STK35: variants seen among roughly 807,000 people sequenced by gnomAD.
STK35 encodes serine/threonine-protein kinase 35.
A neutral mutation model predicts 37.3 loss-of-function variants in STK35; 17 were observed. The observed-to-expected ratio is 0.46, with a 90% CI of 0.31 to 0.68. The LOEUF (loss-of-function observed/expected upper bound fraction) is 0.68, where lower values mean the gene tolerates loss of function less well. Among genes scored for constraint, STK35 ranks in the 30% least tolerant of loss-of-function variants. The pLI is 0.05. For synonymous variants in STK35, 385 were observed against 319.1 expected (o/e 1.21, Z -2.20); for missense variants, 595 against 746.7 (o/e 0.80, Z 2.37).
Position 2,143,795 on chromosome 20 carries a change from G to A in STK35, c.*49G>A, listed in dbSNP as rs533243169. On this transcript the variant is annotated 3_prime_UTR_variant, in exon 4 of 4. Coordinates refer to ENST00000381482, the MANE Select transcript of STK35 (RefSeq NM_080836.4). ...CTTCTGTCTTCCAGGTCGATTCCTC[G>A]GGACCCACAGTCTCACCACGTCTCC... The A allele has an allele frequency of 8.4e-4, 332 of 397,478 alleles. 1 individual carries two copies. The highest frequency in any genetic ancestry group is 3.2e-3 in the Admixed American group (84 of 26,662). 24.6% of individuals were successfully genotyped at this position (397,478 alleles called of 1,614,324 possible).
chr20:2,102,737 C>G (rs974031512), intron 1 of STK35, 31 bp from the exon 2 acceptor site: 1 of 1,390,964 alleles, frequency 7.2e-7, no homozygotes, highest in African/African-American at 1.5e-5. Context: ...CCGCCTTGGC[C>G]TGGCCGTTTA....
intron 2 of STK35, among the ~76,000 whole-genome samples, chr20:2,109,859 G>C (rs543843507): frequency 5.3e-5 from 8 of 152,360 alleles, no homozygotes; most frequent in African/African-American, 1.7e-4. Flanking sequence ...GTAATTGGGG[G>C]ATTGGGGGCA....
At chr20:2,104,294 G>C (rs892942339) in intron 2 of STK35, among the ~76,000 whole-genome samples, 23 of 152,220 alleles carry the variant, frequency 1.5e-4, no homozygotes, top group African/African-American at 4.8e-4. Context: ...TCCGAGGCAG[G>C]AGGATCCAGG....
At chr20:2,111,259 C>T (rs1359430534) in intron 2 of STK35, among the ~76,000 whole-genome samples, 1 of 152,192 alleles carries the variant, frequency 6.6e-6, no homozygotes, top group Admixed American at 6.5e-5. Flanking sequence ...AAGATATGCT[C>T]TTTCACAGTT....
At chr20:2,111,979 T>C (rs991356138) in intron 2 of STK35, among the ~76,000 whole-genome samples, 3 of 152,154 alleles carry the variant, frequency 2.0e-5, no homozygotes, top group Non-Finnish European at 4.4e-5. Context: ...CCGGGCCCGC[T>C]TCCTAGTTCT....
intron 3 of STK35, among the ~76,000 whole-genome samples, chr20:2,136,259 G>C (rs949608810): frequency 2.0e-5 from 3 of 152,222 alleles, no homozygotes; most frequent in Non-Finnish European, 4.4e-5. Context: ...TAGTAGCAGA[G>C]AGAGCTGAAA....
intron 3 of STK35, among the ~76,000 whole-genome samples, chr20:2,120,437 G>A (rs1035666273): frequency 2.6e-5 from 4 of 152,182 alleles, no homozygotes; most frequent in African/African-American, 9.7e-5. Flanking sequence ...CAGTACTGGT[G>A]GTGCCAATTT....
chr20:2,133,219 G>A (rs896210922), intron 3 of STK35, among the ~76,000 whole-genome samples: 63 of 152,152 alleles, frequency 4.1e-4, no homozygotes, highest in African/African-American at 1.5e-3. Context: ...AAATTGTTCT[G>A]TCCCCATATG....
intron 3 of STK35, among the ~76,000 whole-genome samples, chr20:2,139,154 C>T (rs979522983): frequency 3.3e-5 from 5 of 152,156 alleles, no homozygotes; most frequent in South Asian, 2.1e-4. Context: ...AGGAGGTGAA[C>T]ACGTGAGCCA....
At chr20:2,102,664 A>T in intron 1 of STK35, 104 bp from the exon 2 acceptor site, 6 of 1,119,890 alleles carry the variant, frequency 5.4e-6, no homozygotes, top group Non-Finnish European at 7.0e-6. Flanking sequence ...TCCGTCTTAA[A>T]GGGGCCGCGG....
intron 3 of STK35, among the ~76,000 whole-genome samples, chr20:2,136,910 T>C (rs926770494): frequency 6.6e-6 from 1 of 152,154 alleles, no homozygotes; most frequent in African/African-American, 2.4e-5. Context: ...TGGGAGTGTT[T>C]CCTGGGGAAG....
intron 2 of STK35, among the ~76,000 whole-genome samples, chr20:2,104,179 A>G (rs935581750): frequency 3.9e-5 from 6 of 152,140 alleles, no homozygotes; most frequent in African/African-American, 1.4e-4. Context: ...CAGTTAGGGA[A>G]TGTATTCATC....
rs569771399 is a variant in STK35, at chr20:2,144,038, G to C, written c.*292G>C. The C allele has an allele frequency of 7.2e-4, 262 of 362,530 alleles. 4 individuals carry two copies. Among genetic ancestry groups the C allele is most frequent in the South Asian group, 3.7e-3 (175 of 47,542 alleles). The allele number at this position is 362,530 out of a possible 1,614,324, so 22.5% of individuals were successfully genotyped here. ...GAGCAGGACACAATGCTGTGGACAG[G>C]CACCAATTTCTTTAAAGAAATTCAA... On this transcript the variant is annotated 3_prime_UTR_variant, in exon 4 of 4. Transcript: ENST00000381482.
chr20:2,104,197 C>T (rs953012768), intron 2 of STK35, among the ~76,000 whole-genome samples: 1 of 152,116 alleles, frequency 6.6e-6, no homozygotes, highest in Non-Finnish European at 1.5e-5. Context: ...ATCCTAACTA[C>T]TCAGTACTCA....
intron 2 of STK35, among the ~76,000 whole-genome samples, chr20:2,111,273 C>T (rs976739296): frequency 1.3e-5 from 2 of 152,182 alleles, no homozygotes; most frequent in South Asian, 2.1e-4. Context: ...CACAGTTTAA[C>T]GTCTCTGAAA....
At chr20:2,134,035 C>T (rs1262317055) in intron 3 of STK35, among the ~76,000 whole-genome samples, 12 of 152,030 alleles carry the variant, frequency 7.9e-5, no homozygotes, top group East Asian at 5.8e-4. Flanking sequence ...ATAAGTGGGG[C>T]GTGGATTGAG....
chr20:2,102,259 G>T (rs1362655814), intron 1 of STK35, 84 bp downstream of exon 1: 2 of 1,375,680 alleles, frequency 1.5e-6, no homozygotes, highest in African/African-American at 3.1e-5. Context: ...GGGAAATCGG[G>T]TCCTCGGCCA....
At chr20:2,141,013 T>C (rs17779783) in intron 3 of STK35, among the ~76,000 whole-genome samples, 10,532 of 152,278 alleles carry the variant, frequency 0.069, 522 homozygotes, top group Admixed American at 0.12. Context: ...TGCTGGAAAG[T>C]CATAACTGGT....
rs914645476 is a variant in STK35, at chr20:2,102,061, C to T, written c.180C>T (p.Ala60=). The change falls in exon 1 of 4, where the codon GCC becomes GCT. Residue 60 remains alanine, a synonymous_variant. Transcript: ENST00000381482. ...GATCCGCTACACGCCGGGCTCGGGC[C>T]GCCACCTCCCGCGCTGCTCGGTCCC... ...AEGSATRRAR[A]ATSRAARSRR... is the part of the protein sequence containing the mutation. The T allele has an allele frequency of 6.6e-6, 10 of 1,522,372 alleles. No individual in the cohort carries two copies. The highest frequency in any genetic ancestry group is 1.4e-5 in the African/African-American group (1 of 71,778). 94.3% of individuals were successfully genotyped at this position (1,522,372 alleles called of 1,614,324 possible).
Sources: allele counts gnomAD v4.1 joint callset (sites outside exome capture counted in the v4.1 genomes callset), GRCh38; gene constraint gnomAD v4.1.1; transcripts MANE v1.5; gene names NCBI Gene and HGNC (gene_info 2026-07-23, HGNC 2026-07-21).